DTNA: variants seen among roughly 807,000 people sequenced by gnomAD.
The protein encoded by DTNA is dystrophin-related protein 3.
DTNA carries 43 observed loss-of-function variants against 100.7 expected under a neutral mutation model. The observed-to-expected ratio is 0.43, with a 90% confidence interval of 0.33 to 0.55. The LOEUF (loss-of-function observed/expected upper bound fraction) is 0.55. Among genes scored for constraint, DTNA ranks in the 20% least tolerant of loss-of-function variants. The probability of loss-of-function intolerance (pLI) is 0.04; values close to 1 mark genes in which losing one functional copy is unlikely to be tolerated. For missense variants in DTNA, 798 were observed against 953.9 expected (o/e 0.84, Z 2.15); for synonymous variants, 349 against 347.9 (o/e 1.00, Z -0.04).
At chr18:34,787,938 ATT>A (rs1258438380) in intron 3 of DTNA, among the ~76,000 whole-genome samples, 1 of 152,196 alleles carries the variant, frequency 6.6e-6, no homozygotes. Context: ...TTAAGAATGC[ATT>A]TTGTCTATTC....
At chr18:34,639,206 C>T (rs762298302) in intron 1 of DTNA, among the ~76,000 whole-genome samples, 16 of 152,200 alleles carry the variant, frequency 1.1e-4, no homozygotes, top group Non-Finnish European at 1.9e-4. Flanking sequence ...TTCACATTGA[C>T]ATTTCAGGCA....
rs762507103 is a variant in DTNA, at chr18:34,673,505, C to A, written c.-1-82471C>A. Among the ~76,000 whole-genome samples, 6 of 144,680 alleles carry A rather than the reference C, an allele frequency of 4.1e-5. No homozygotes were observed. The East Asian group carries it at 9.7e-4, about 23-fold the overall frequency. The allele number at this position is 144,680 out of a possible 152,430, so 94.9% of individuals were successfully genotyped here. A position where few individuals can be genotyped will look rare whatever the true frequency, so the allele number is the denominator to read the frequency against. ...TACAATAAAATGCAACAGAAAGATA[C>A]GCAGAGCCAGTCCTTCAGAAAAAAA... On this transcript the variant is annotated intron_variant, in intron 1 of 19. Coordinates refer to the DTNA transcript ENST00000283365.
At chr18:34,625,059 G>T (rs2057122983) in intron 1 of DTNA, among the ~76,000 whole-genome samples, 1 of 147,626 alleles carries the variant, frequency 6.8e-6, no homozygotes, top group Admixed American at 6.8e-5. Flanking sequence ...TTTTGAGACA[G>T]AGTCCCACTC....
At chr18:34,680,612 A>G (rs191101211) in intron 1 of DTNA, among the ~76,000 whole-genome samples, 1 of 152,288 alleles carries the variant, frequency 6.6e-6, no homozygotes, top group Admixed American at 6.5e-5. Flanking sequence ...GATGGCAAAT[A>G]ATGCTTTCAT....
At chr18:34,746,866 G>A (rs375326172) in intron 1 of DTNA, among the ~76,000 whole-genome samples, 1 of 152,108 alleles carries the variant, frequency 6.6e-6, no homozygotes, top group Admixed American at 6.6e-5. Flanking sequence ...CTGCTATTGA[G>A]CAGAAGTACC....
At chr18:34,870,107 C>G (rs1278132909) in intron 17 of DTNA, among the ~76,000 whole-genome samples, 1 of 152,152 alleles carries the variant, frequency 6.6e-6, no homozygotes, top group Non-Finnish European at 1.5e-5. Context: ...TTTTTTTAAA[C>G]TACATTTTAA....
chr18:34,881,534 C>T (rs1433085741), intron 20 of DTNA, among the ~76,000 whole-genome samples: 2 of 128,150 alleles, frequency 1.6e-5, no homozygotes, highest in African/African-American at 3.0e-5. Context: ...TATTCTAAGA[C>T]TTAATTCTAT....
chr18:34,572,515 A>T (rs1036979070), intron 1 of DTNA, among the ~76,000 whole-genome samples: 1 of 150,418 alleles, frequency 6.6e-6, no homozygotes, highest in Non-Finnish European at 1.5e-5. Context: ...ACATTTATAG[A>T]GATTAAGTAA....
chr18:34,496,102 T>A (rs2039164342), intron 1 of DTNA, among the ~76,000 whole-genome samples: 1 of 152,054 alleles, frequency 6.6e-6, no homozygotes, highest in South Asian at 2.1e-4. Flanking sequence ...CTCAACATTA[T>A]AAGTAAAAAG....
intron 3 of DTNA, among the ~76,000 whole-genome samples, chr18:34,773,934 G>GCCAGA (rs964301237): frequency 1.9e-4 from 29 of 152,280 alleles, no homozygotes; most frequent in African/African-American, 7.0e-4. Flanking sequence ...TTTAGAGAAT[G>GCCAGA]CCAGAAGCTT....
chr18:34,742,660 T>TATTATCTATCTAGATAGATAGATAATCG lies in DTNA; in HGVS notation c.-1-13304_-1-13303insGATAGATAGATAATCGATTATCTATCTA, dbSNP rs1415839710. On this transcript the variant is annotated intron_variant, in intron 1 of 22. Coordinates refer to ENST00000444659, the MANE Select transcript of DTNA (RefSeq NM_001386795.1). Reference sequence around the variant, plus strand: ...TATCTATCTAGATAGATAGATAATCTATTATCTATCTATTCCCATTATCCT... The same window carrying TATTATCTATCTAGATAGATAGATAATCG: ...TATCTATCTAGATAGATAGATAATCTATTATCTATCTAGATAGATAGATAATCGATTATCTATCTATTCCCATTATCCT... 2.2e-3 allele frequency among the ~76,000 whole-genome samples: 336 copies of TATTATCTATCTAGATAGATAGATAATCG among 151,922 alleles called. 3 individuals carry two copies. The highest frequency in any genetic ancestry group is 7.6e-3 in the African/African-American group (312 of 41,210).
chr18:34,576,878 A>G lies in DTNA; in HGVS notation c.-2+83364A>G, dbSNP rs767454623. On this transcript the variant is annotated intron_variant, in intron 1 of 19. Coordinates refer to the DTNA transcript ENST00000283365. ...GTCTTGTCATGCGTGTGAACATTCTAACTTTGCTGGCGGTCAGCAAACTGT... is the reference window on the plus strand; with the variant it reads ...GTCTTGTCATGCGTGTGAACATTCTGACTTTGCTGGCGGTCAGCAAACTGT... 2.6e-4 allele frequency among the ~76,000 whole-genome samples: 40 copies of G among 152,276 alleles called. 1 individual carries two copies. The highest frequency in any genetic ancestry group is 3.4e-3 in the Middle Eastern group (1 of 294).
At chr18:34,600,835 G>T (rs2051653195) in intron 1 of DTNA, among the ~76,000 whole-genome samples, 1 of 152,178 alleles carries the variant, frequency 6.6e-6, no homozygotes, top group Non-Finnish European at 1.5e-5. Context: ...TAGAAACCAG[G>T]TTTCCTTCTC....
chr18:34,604,410 A>T (rs2052578538), intron 1 of DTNA, among the ~76,000 whole-genome samples: 1 of 152,112 alleles, frequency 6.6e-6, no homozygotes, highest in South Asian at 2.1e-4. Context: ...ATTTTGGCTT[A>T]TATTTATTCA....
intron 1 of DTNA, among the ~76,000 whole-genome samples, chr18:34,565,981 A>C (rs924480293): frequency 3.3e-5 from 5 of 152,188 alleles, no homozygotes; most frequent in Non-Finnish European, 7.3e-5. Context: ...ATTGACACCA[A>C]AATGCCTGGC....
intron 19 of DTNA, among the ~76,000 whole-genome samples, chr18:34,878,951 G>A (rs1211672820): frequency 6.6e-6 from 1 of 152,182 alleles, no homozygotes; most frequent in Non-Finnish European, 1.5e-5. Flanking sequence ...ATTGAAAATT[G>A]TTGCTGCTAA....
At position 34,891,565 on chromosome 18, in the gene DTNA, G is replaced by A. The variant is rs375929758; in HGVS notation, c.*3831G>A. On this transcript the variant is annotated 3_prime_UTR_variant, in exon 23 of 23. Transcript: ENST00000444659. ...ATAGCTCACCTTCTCTTGCCTTGGG[G>A]GATGCATGGTTTTTACCATTCTACT... 6.6e-6 allele frequency: 1 copy of A among 152,054 alleles called. No homozygotes were observed. Among genetic ancestry groups the A allele is most frequent in the African/African-American group, 2.4e-5 (1 of 41,368 alleles). The allele number at this position is 152,054 out of a possible 1,614,324, so 9.4% of individuals were successfully genotyped here.
intron 1 of DTNA, among the ~76,000 whole-genome samples, chr18:34,646,328 G>A (rs2059832137): frequency 6.6e-6 from 1 of 152,036 alleles, no homozygotes. Context: ...TTTTAACTTG[G>A]TAGTTTTAAA....
chr18:34,694,166 A>G (rs1490189227), intron 1 of DTNA, among the ~76,000 whole-genome samples: 2 of 152,158 alleles, frequency 1.3e-5, no homozygotes, highest in African/African-American at 2.4e-5. Context: ...TTCCCATGTT[A>G]TGTTCCTGAT....
Sources: gnomAD v4.1 joint callset for allele counts (sites outside exome capture counted in the v4.1 genomes callset) on GRCh38, gnomAD v4.1.1 for gene constraint, MANE v1.5 for transcripts, NCBI Gene and HGNC (gene_info 2026-07-23, HGNC 2026-07-21) for gene names.